RBFOX1: variants seen among roughly 807,000 people sequenced by gnomAD.
RBFOX1 encodes the protein RNA binding fox-1 homolog 1.
RBFOX1 carries 8 observed loss-of-function variants against 57.7 expected under a neutral mutation model. The observed-to-expected ratio is 0.14, with a 90% CI of 0.08 to 0.25. The LOEUF (loss-of-function observed/expected upper bound fraction) is 0.25. RBFOX1 is among the 10% of genes least tolerant of loss of function. The pLI, the probability that RBFOX1 is intolerant of heterozygous loss-of-function variation, is 1.00. For synonymous variants in RBFOX1, 326 were observed against 222.4 expected, an observed-to-expected ratio of 1.47 and a Z score of -4.15; for missense variants, 611 against 548.5, an observed-to-expected ratio of 1.11 and a Z score of -1.14.
intron 1 of RBFOX1, among the ~76,000 whole-genome samples, chr16:5,335,058 T>G (rs2064860709): frequency 1.3e-5 from 2 of 152,146 alleles, no homozygotes. Flanking sequence ...AAAAAGTTGT[T>G]TCAATTTCTG....
chr16:5,808,727 T>C (rs1351371395), intron 3 of RBFOX1, among the ~76,000 whole-genome samples: 1 of 152,166 alleles, frequency 6.6e-6, no homozygotes, highest in African/African-American at 2.4e-5. Flanking sequence ...GTTTGTCTGT[T>C]ATTGGTGTAT....
intron 14 of RBFOX1, 85 bp from the exon 15 acceptor site, chr16:7,708,971 C>T: frequency 1.5e-6 from 2 of 1,300,946 alleles, no homozygotes; most frequent in Non-Finnish European, 2.2e-6. Context: ...CCCCTGCATA[C>T]TGTCTTGGTA....
chr16:6,706,711 C>T (rs77379798), intron 3 of RBFOX1, among the ~76,000 whole-genome samples: 4 of 142,252 alleles, frequency 2.8e-5, no homozygotes, highest in Admixed American at 7.0e-5. Context: ...CAGCTGCAGT[C>T]TTTTTTTTTT....
chr16:6,858,253 A>C (rs1028326226), intron 3 of RBFOX1, among the ~76,000 whole-genome samples: 1 of 152,184 alleles, frequency 6.6e-6, no homozygotes, highest in Non-Finnish European at 1.5e-5. Flanking sequence ...CAAATGATGA[A>C]CTACACTTTG....
intron 3 of RBFOX1, among the ~76,000 whole-genome samples, chr16:5,784,879 G>A (rs995795411): frequency 6.6e-6 from 1 of 152,110 alleles, no homozygotes; most frequent in Admixed American, 6.6e-5. Context: ...CCGGTGCGTT[G>A]ATCTTGGATT....
intron 2 of RBFOX1, among the ~76,000 whole-genome samples, chr16:6,344,163 G>A (rs2084966486): frequency 6.6e-6 from 1 of 151,672 alleles, no homozygotes; most frequent in Non-Finnish European, 1.5e-5. Flanking sequence ...GGGTTCAAAT[G>A]ATTCTCATGC....
intron 3 of RBFOX1, among the ~76,000 whole-genome samples, chr16:5,616,630 C>A (rs1417484092): frequency 6.8e-6 from 1 of 147,776 alleles, no homozygotes; most frequent in African/African-American, 2.5e-5. Context: ...CTCTCTCCCT[C>A]CTCCTCCTCA....
intron 3 of RBFOX1, among the ~76,000 whole-genome samples, chr16:7,018,159 G>A (rs1243141207): frequency 6.6e-6 from 1 of 152,134 alleles, no homozygotes; most frequent in Admixed American, 6.5e-5. Flanking sequence ...TTAAGCCCTT[G>A]CTGAATTTCC....
intron 3 of RBFOX1, among the ~76,000 whole-genome samples, chr16:6,729,819 C>T (rs1000844841): frequency 1.3e-5 from 2 of 152,068 alleles, no homozygotes; most frequent in African/African-American, 4.8e-5. Flanking sequence ...AGATATTTCT[C>T]CTGGTAAATG....
intron 4 of RBFOX1, among the ~76,000 whole-genome samples, chr16:7,124,896 T>G (rs1382736576): frequency 1.3e-5 from 2 of 152,068 alleles, no homozygotes; most frequent in African/African-American, 4.8e-5. Flanking sequence ...CACCAGCCAG[T>G]GACAGCGTTA....
chr16:7,069,574 T>C (rs148044211), intron 4 of RBFOX1, among the ~76,000 whole-genome samples: 27 of 152,338 alleles, frequency 1.8e-4, no homozygotes, highest in African/African-American at 5.8e-4. Context: ...TTTCTGGCTA[T>C]GGGACACATT....
At chr16:7,264,747 C>G (rs762683831) in intron 4 of RBFOX1, among the ~76,000 whole-genome samples, 1 of 151,992 alleles carries the variant, frequency 6.6e-6, no homozygotes, top group East Asian at 1.9e-4. Context: ...TAGCTCTTGG[C>G]TATATCAAAA....
chr16:6,967,747 G>T (rs1041396466), intron 3 of RBFOX1, among the ~76,000 whole-genome samples: 1 of 152,094 alleles, frequency 6.6e-6, no homozygotes, highest in African/African-American at 2.4e-5. Context: ...GTGCCCATCT[G>T]CCCGTGCAGC....
At chr16:7,496,265 C>T (rs912315676) in intron 4 of RBFOX1, among the ~76,000 whole-genome samples, 2 of 152,318 alleles carry the variant, frequency 1.3e-5, no homozygotes, top group Admixed American at 1.3e-4. Context: ...GCCTCAGCCT[C>T]CCAAGTAGCT....
intron 9 of RBFOX1, among the ~76,000 whole-genome samples, chr16:7,601,066 ATTTCCTGG>A (rs2094990566): frequency 1.3e-5 from 2 of 152,140 alleles, no homozygotes; most frequent in African/African-American, 4.8e-5. Context: ...ATTCACAAGG[ATTTCCTGG>A]ATGCTGGGGA....
At chr16:6,227,162 T>C (rs1250646624) in intron 1 of RBFOX1, among the ~76,000 whole-genome samples, 1 of 151,954 alleles carries the variant, frequency 6.6e-6, no homozygotes, top group Non-Finnish European at 1.5e-5. Flanking sequence ...CTGCCTCATA[T>C]ATCTTTTTGT....
At chr16:6,824,348 T>C (rs373844036) in intron 3 of RBFOX1, among the ~76,000 whole-genome samples, 2 of 152,166 alleles carry the variant, frequency 1.3e-5, no homozygotes, top group Non-Finnish European at 2.9e-5. Context: ...ACAGGTTGCA[T>C]TGAGCTGAGA....
chr16:7,123,264 A>G (rs62014150), intron 4 of RBFOX1, among the ~76,000 whole-genome samples: 64,058 of 152,060 alleles, frequency 0.42, 13,913 homozygotes, highest in Admixed American at 0.49. Flanking sequence ...TTTTGTTGTT[A>G]TATCTCCAGC....
At chr16:6,573,093 C>T (rs1345297) in intron 2 of RBFOX1, among the ~76,000 whole-genome samples, 138,854 of 152,210 alleles carry the variant, frequency 0.91, 64,685 homozygotes, top group Non-Finnish European at 1. Context: ...TCTGCTCCCT[C>T]AGACCCTAGA....
Sources: allele counts gnomAD v4.1 joint callset (sites outside exome capture counted in the v4.1 genomes callset), GRCh38; gene constraint gnomAD v4.1.1; transcripts MANE v1.5; gene names NCBI Gene and HGNC (gene_info 2026-07-23, HGNC 2026-07-21).